Variants in GHR observed in about 807,000 individuals in gnomAD.
The protein encoded by GHR is GH receptor.
A neutral mutation model predicts 67.1 loss-of-function variants in GHR; 35 were observed. The ratio of observed to expected loss-of-function variants is 0.52; its 90% CI spans 0.40 to 0.69. GHR has a LOEUF of 0.69. Ranked by LOEUF, GHR falls within the 30% of genes least tolerant of loss-of-function variation. The pLI, the probability that GHR is intolerant of heterozygous loss-of-function variation, is 0.00. For synonymous variants in GHR, 272 were observed against 269.1 expected, an observed-to-expected ratio of 1.01 and a Z score of -0.10; for missense variants, 792 against 764.6, an observed-to-expected ratio of 1.04 and a Z score of -0.42.
At chr5:42,474,439 C>T (rs913412189) in intron 1 of GHR, among the ~76,000 whole-genome samples, 5 of 152,146 alleles carry the variant, frequency 3.3e-5, no homozygotes, top group Non-Finnish European at 7.3e-5. Flanking sequence ...TGGCAGTGTG[C>T]TCTACCTGCT....
intron 1 of GHR, among the ~76,000 whole-genome samples, chr5:42,518,207 G>A (rs1441882278): frequency 1.9e-5 from 2 of 107,650 alleles, no homozygotes; most frequent in Non-Finnish European, 4.4e-5. Flanking sequence ...ATAATTCTGT[G>A]TGTGTGTGGG....
chr5:42,540,426 A>G (rs997012734), intron 1 of GHR, among the ~76,000 whole-genome samples: 2 of 152,222 alleles, frequency 1.3e-5, no homozygotes, highest in African/African-American at 4.8e-5. Flanking sequence ...AAACATTCAC[A>G]GAACATAAAC....
chr5:42,702,797 T>C (rs1330775355), intron 6 of GHR, among the ~76,000 whole-genome samples: 1 of 152,132 alleles, frequency 6.6e-6, no homozygotes, highest in Non-Finnish European at 1.5e-5. Flanking sequence ...GGTTTAAATT[T>C]ACATTTCCCT....
intron 2 of GHR, among the ~76,000 whole-genome samples, chr5:42,628,195 C>T (rs571332159): frequency 5.9e-5 from 9 of 152,252 alleles, no homozygotes; most frequent in Admixed American, 3.3e-4. Flanking sequence ...GCTTCTGGAA[C>T]CTCAGGTTCA....
chr5:42,474,901 TTAAAC>T, intron 1 of GHR, among the ~76,000 whole-genome samples: 2 of 133,526 alleles, frequency 1.5e-5, no homozygotes, highest in Admixed American at 7.6e-5. Context: ...TTTTTTTTTT[TTAAAC>T]AGAGTCTCGC....
At chr5:42,506,764 C>T (rs1010876002) in intron 1 of GHR, among the ~76,000 whole-genome samples, 4 of 152,120 alleles carry the variant, frequency 2.6e-5, no homozygotes, top group African/African-American at 9.7e-5. Context: ...ATTATATATT[C>T]CCTGTAGAAA....
intron 1 of GHR, among the ~76,000 whole-genome samples, chr5:42,474,257 CAG>C (rs1182799025): frequency 2.3e-5 from 2 of 87,940 alleles, no homozygotes; most frequent in South Asian, 4.0e-4. Context: ...GAAAGACAGA[CAG>C]AAAGAAAGAA....
chr5:42,681,332 A>G (rs918115493), intron 3 of GHR, among the ~76,000 whole-genome samples: 3 of 152,228 alleles, frequency 2.0e-5, no homozygotes, highest in Admixed American at 2.0e-4. Flanking sequence ...GAAGACATTT[A>G]TGCAGCCAAC....
At position 42,474,285 on chromosome 5, in the gene GHR, A is replaced by AAGAAAGAAAGAAAGAAAGAGAG. The variant is rs1257674662; in HGVS notation, c.-12+50331_-12+50332insGAAAGAAAGAAAGAAAGAGAGA. Among the ~76,000 whole-genome samples, 3 of 28,126 alleles carry AAGAAAGAAAGAAAGAAAGAGAG rather than the reference A, an allele frequency of 1.1e-4. 1 individual carries two copies. The highest frequency in any genetic ancestry group is 3.7e-4 in the African/African-American group (3 of 8,118). 18.5% of individuals were successfully genotyped at this position (28,126 alleles called of 152,430 possible). A position where few individuals can be genotyped will look rare whatever the true frequency, so the allele number is the denominator to read the frequency against. On this transcript the variant is annotated intron_variant, in intron 1 of 9. Transcript: ENST00000230882. The stretch of plus-strand genomic sequence containing the variant: ...AAAGAAAGAAAGAAAGAAAGAAAGA[A>AAGAAAGAAAGAAAGAAAGAGAG]AAAGAGAAAGAGAAAGAAAGAAAGA...
At chr5:42,623,333 C>T (rs995114326) in intron 2 of GHR, among the ~76,000 whole-genome samples, 1 of 151,872 alleles carries the variant, frequency 6.6e-6, no homozygotes, top group Admixed American at 6.6e-5. Flanking sequence ...CACTGTGAGG[C>T]GCTCCACCCC....
chr5:42,563,543 G>T (rs546813043), intron 1 of GHR, among the ~76,000 whole-genome samples: 2 of 149,022 alleles, frequency 1.3e-5, no homozygotes, highest in Non-Finnish European at 3.0e-5. Flanking sequence ...GCGTGAACCC[G>T]GGAAGCGGAG....
chr5:42,697,254 T>C (rs898397172), intron 5 of GHR, among the ~76,000 whole-genome samples: 1 of 152,218 alleles, frequency 6.6e-6, no homozygotes, highest in Non-Finnish European at 1.5e-5. Flanking sequence ...ACTATATTAG[T>C]TAGACATTTG....
intron 1 of GHR, among the ~76,000 whole-genome samples, chr5:42,499,482 G>A (rs974493195): frequency 6.6e-6 from 1 of 152,178 alleles, no homozygotes; most frequent in Non-Finnish European, 1.5e-5. Flanking sequence ...CAGTTTTCAT[G>A]TTGATAATGA....
intron 1 of GHR, among the ~76,000 whole-genome samples, chr5:42,500,818 A>G (rs1245065964): frequency 2.6e-5 from 4 of 152,258 alleles, no homozygotes; most frequent in Non-Finnish European, 4.4e-5. Context: ...GCACAGGTTG[A>G]CAGCTGACAT....
chr5:42,465,326 A>C, intron 1 of GHR: 1 of 739,762 alleles, frequency 1.4e-6, no homozygotes, highest in Non-Finnish European at 2.3e-6. Flanking sequence ...CATGAAAATA[A>C]ATCTTTATTT....
At chr5:42,588,744 TATGA>T (rs984418105) in intron 2 of GHR, among the ~76,000 whole-genome samples, 1 of 152,172 alleles carries the variant, frequency 6.6e-6, no homozygotes, top group African/African-American at 2.4e-5. Flanking sequence ...GATAAATCCA[TATGA>T]ATGTCTTTTT....
At chr5:42,595,871 A>G (rs951338398) in intron 2 of GHR, among the ~76,000 whole-genome samples, 1 of 152,228 alleles carries the variant, frequency 6.6e-6, no homozygotes, top group Non-Finnish European at 1.5e-5. Context: ...GATCTGGCTG[A>G]CGTGGCACTG....
intron 2 of GHR, among the ~76,000 whole-genome samples, chr5:42,606,111 G>T (rs897622436): frequency 1.2e-4 from 19 of 152,088 alleles, no homozygotes; most frequent in African/African-American, 4.1e-4. Context: ...AGTCTCTCAG[G>T]TGGGAGCTGT....
chr5:42,522,569 A>G (rs554239916), intron 1 of GHR, among the ~76,000 whole-genome samples: 2 of 152,328 alleles, frequency 1.3e-5, no homozygotes, highest in South Asian at 4.1e-4. Context: ...TACAAAGGAA[A>G]ATCTTATACC....
Sources: allele counts gnomAD v4.1 joint callset (sites outside exome capture counted in the v4.1 genomes callset), GRCh38; gene constraint gnomAD v4.1.1; transcripts MANE v1.5; gene names NCBI Gene and HGNC (gene_info 2026-07-23, HGNC 2026-07-21).